The following HEATR3 variants were observed in gnomAD, a reference collection of about 807,000 sequenced individuals.
The protein encoded by HEATR3 is HEAT repeat-containing protein 3.
HEATR3 carries 56 observed loss-of-function variants against 72.8 expected under a neutral mutation model. That is an observed-to-expected ratio of 0.77 (90% CI 0.62 to 0.96). The LOEUF is 0.96. HEATR3 is among the 40% of genes least tolerant of loss of function. HEATR3 has a pLI of 0.00. For synonymous variants in HEATR3, 331 were observed against 318.1 expected (o/e 1.04, Z -0.43); for missense variants, 747 against 831.4 (o/e 0.90, Z 1.25).
intron 14 of HEATR3, 129 bp downstream of exon 14, chr16:50,102,564 A>G: frequency 1.4e-6 from 1 of 692,262 alleles, no homozygotes; most frequent in Non-Finnish European, 2.3e-6. Flanking sequence ...CAGCATCCCC[A>G]GTACTTTGTA....
intron 11 of HEATR3, among the ~76,000 whole-genome samples, chr16:50,093,154 C>T (rs966269918): frequency 3.9e-5 from 6 of 152,050 alleles, no homozygotes; most frequent in African/African-American, 1.2e-4. Flanking sequence ...TACAATCAGC[C>T]GGGATTAGAA....
chr16:50,096,791 T>C (rs141725946), intron 12 of HEATR3, among the ~76,000 whole-genome samples: 2 of 152,324 alleles, frequency 1.3e-5, no homozygotes, highest in African/African-American at 4.8e-5. Flanking sequence ...AGAGGGAGAC[T>C]CTGTCTCAAA....
chr16:50,092,499 C>T (rs1364374110), intron 11 of HEATR3, among the ~76,000 whole-genome samples: 5 of 142,394 alleles, frequency 3.5e-5, no homozygotes, highest in African/African-American at 5.4e-5. Context: ...TGCAGTGGCG[C>T]GATCTCGGCT....
chr16:50,086,193 C>A (rs573417281), intron 10 of HEATR3, 22 bp from the exon 11 acceptor site: 2 of 1,562,788 alleles, frequency 1.3e-6, no homozygotes, highest in South Asian at 1.2e-5. Flanking sequence ...AATCAGATGG[C>A]ATTGTTTCAC....
chr16:50,075,705 G>A lies in HEATR3; in HGVS notation c.757G>A (p.Val253Ile). The A allele has an allele frequency of 6.2e-7, 1 of 1,611,778 alleles. No homozygotes were observed. Among genetic ancestry groups the A allele is most frequent in the Non-Finnish European group, 8.5e-7 (1 of 1,178,364 alleles). The change falls in exon 6 of 15, where the codon GTA becomes ATA. Residue 253 changes from valine to isoleucine, a missense_variant. Physicochemically the swap from Val to Ile is conservative, Grantham distance 29. Transcript: ENST00000299192. ...SMESLLLKTL[V>I]AGTIWNLKDI... ...GGAATCTCTTCTATTGAAGACATTG[G>A]TAGCAGGTAAAATTTAGCCTTACGG...
At position 50,070,161 on chromosome 16, in the gene HEATR3, A is replaced by G. The variant is rs189687528; in HGVS notation, c.400-17A>G. ...CTTCTTAGGAACCAGGGTGCTAATCATGATATTTGGTTACAGTGTAGTGCT... is the reference window on the plus strand; with the variant it reads ...CTTCTTAGGAACCAGGGTGCTAATCGTGATATTTGGTTACAGTGTAGTGCT... On this transcript the variant is annotated splice_polypyrimidine_tract_variant and intron_variant, in intron 3 of 14. Transcript: ENST00000299192. 2.3e-5 allele frequency: 30 copies of G among 1,322,254 alleles called. No individual in the cohort carries two copies. The highest frequency in any genetic ancestry group is 2.8e-5 in the Non-Finnish European group (26 of 928,126). 81.9% of individuals were successfully genotyped at this position (1,322,254 alleles called of 1,614,324 possible).
intron 11 of HEATR3, among the ~76,000 whole-genome samples, chr16:50,094,411 G>A (rs961085186): frequency 9.2e-5 from 14 of 152,300 alleles, no homozygotes; most frequent in African/African-American, 3.4e-4. Flanking sequence ...GGTTTATTAT[G>A]TGCTGAAGTG....
chr16:50,080,739 G>A lies in HEATR3; in HGVS notation c.1041+1721G>A, dbSNP rs181472238. On this transcript the variant is annotated intron_variant, in intron 7 of 14. Coordinates refer to ENST00000299192, the MANE Select transcript of HEATR3 (RefSeq NM_182922.4). ...TCCCACCTCGGCCTCTCAAAGTGCTGGGATTATAGGCGTGCACCATGGTAC... is the reference window on the plus strand; with the variant it reads ...TCCCACCTCGGCCTCTCAAAGTGCTAGGATTATAGGCGTGCACCATGGTAC... Among the ~76,000 whole-genome samples, 534 of 152,262 alleles carry A rather than the reference G, an allele frequency of 3.5e-3. 2 individuals are homozygous for A. The highest frequency in any genetic ancestry group is 0.012 in the African/African-American group (498 of 41,554).
intron 14 of HEATR3, among the ~76,000 whole-genome samples, chr16:50,103,159 A>G (rs936017957): frequency 6.6e-6 from 1 of 152,252 alleles, no homozygotes; most frequent in Non-Finnish European, 1.5e-5. Flanking sequence ...CTTCAAGGAA[A>G]GCAGATATAT....
At chr16:50,082,743 G>C (rs1390012090) in intron 7 of HEATR3, among the ~76,000 whole-genome samples, 1 of 138,562 alleles carries the variant, frequency 7.2e-6, no homozygotes, top group Non-Finnish European at 1.5e-5. Flanking sequence ...GCAATATACT[G>C]AGACCCCATC....
chr16:50,091,873 C>CA (rs1157532465), intron 11 of HEATR3, among the ~76,000 whole-genome samples: 1,755 of 62,172 alleles, frequency 0.028, 15 homozygotes, highest in Non-Finnish European at 0.034. Flanking sequence ...GACTCTGTCT[C>CA]AAAAAAAAAA....
At chr16:50,094,827 T>C in intron 12 of HEATR3, 34 bp downstream of exon 12, 1 of 1,383,644 alleles carries the variant, frequency 7.2e-7, no homozygotes. Context: ...ATGAAACTTG[T>C]AAAGATTGTG....
At chr16:50,090,731 C>A (rs1267118749) in intron 11 of HEATR3, among the ~76,000 whole-genome samples, 1 of 152,170 alleles carries the variant, frequency 6.6e-6, no homozygotes, top group East Asian at 1.9e-4. Flanking sequence ...GTTCCGAAAT[C>A]ATTTAGGATT....
intron 3 of HEATR3, 82 bp downstream of exon 3, chr16:50,068,949 T>C: frequency 1.1e-6 from 1 of 931,084 alleles, no homozygotes; most frequent in South Asian, 1.5e-5. Flanking sequence ...GTTGGTGACT[T>C]TGTCTTCTAT....
At chr16:50,103,658 G>A (rs549251235) in intron 14 of HEATR3, among the ~76,000 whole-genome samples, 20 of 152,272 alleles carry the variant, frequency 1.3e-4, no homozygotes, top group Admixed American at 8.5e-4. Flanking sequence ...AGATGATACC[G>A]TTGCACACTA....
At chr16:50,089,890 C>T (rs1346258656) in intron 11 of HEATR3, among the ~76,000 whole-genome samples, 1 of 152,090 alleles carries the variant, frequency 6.6e-6, no homozygotes, top group Admixed American at 6.5e-5. Context: ...TGGTCTTGAA[C>T]TCCTGACCTT....
intron 11 of HEATR3, among the ~76,000 whole-genome samples, chr16:50,089,755 G>A (rs559005391): frequency 6.7e-4 from 102 of 151,786 alleles, no homozygotes; most frequent in Admixed American, 1.1e-3. Context: ...TGCAATTTCT[G>A]CCCCCCAAGT....
In HEATR3 at chr16:50,078,908, G is replaced by A. The variant is rs1381792178; in HGVS notation, c.931G>A (p.Glu311Lys). 1.9e-6 allele frequency: 3 copies of A among 1,614,084 alleles called. No homozygotes were observed. The highest frequency in any genetic ancestry group is 2.2e-5 in the East Asian group (1 of 44,862). Residue 311 changes from glutamate (E) to lysine (K), a missense_variant, in exon 7 of 15, where the codon GAA becomes AAA. Coordinates refer to ENST00000299192, the MANE Select transcript of HEATR3 (RefSeq NM_182922.4). ...QRLKTAAEAE[E>K]ILENTNGDDL... ...GTTAAAAACTGCTGCAGAGGCTGAG[G>A]AAATATTAGAGAACACTAATGGGGA... is the stretch of plus-strand genomic sequence containing the variant.
At chr16:50,102,844 C>A (rs1395057889) in intron 14 of HEATR3, among the ~76,000 whole-genome samples, 1 of 152,142 alleles carries the variant, frequency 6.6e-6, no homozygotes, top group Non-Finnish European at 1.5e-5. Flanking sequence ...CTCACTGCGA[C>A]CTCCCCTTCC....
Sources: gnomAD v4.1 joint callset for allele counts (sites outside exome capture counted in the v4.1 genomes callset) on GRCh38, gnomAD v4.1.1 for gene constraint, MANE v1.5 for transcripts, NCBI Gene and HGNC (gene_info 2026-07-23, HGNC 2026-07-21) for gene names.